The following API5 variants were observed in gnomAD, a reference collection of about 807,000 sequenced individuals.
The protein encoded by API5 is FIF.
Under a neutral mutation model 71.9 loss-of-function variants are expected in API5, and 6 were observed. That is an observed-to-expected ratio of 0.08 (90% CI 0.05 to 0.16). The LOEUF is 0.16. Ranked by LOEUF, API5 falls within the 10% of genes least tolerant of loss-of-function variation. The pLI is 1.00. For missense variants in API5, 332 were observed against 612.8 expected (o/e 0.54, Z 4.84); for synonymous variants, 189 against 221.3 (o/e 0.85, Z 1.30).
intron 13 of API5, among the ~76,000 whole-genome samples, chr11:43,339,056 T>A (rs1855528442): frequency 1.3e-5 from 2 of 152,184 alleles, no homozygotes; most frequent in African/African-American, 4.8e-5. Context: ...TTCACTAGGA[T>A]AATAAACACA....
chr11:43,321,508 G>C, intron 4 of API5, 32 bp downstream of exon 4: 1 of 1,523,016 alleles, frequency 6.6e-7, no homozygotes, highest in Non-Finnish European at 9.1e-7. Flanking sequence ...AATTGTGTTT[G>C]ATGTCTTACA....
chr11:43,322,700 T>G (rs533872024), intron 5 of API5, among the ~76,000 whole-genome samples: 3 of 152,188 alleles, frequency 2.0e-5, no homozygotes, highest in African/African-American at 7.2e-5. Flanking sequence ...TTACAGAAGA[T>G]TCAGCATTTT....
rs1855080112 is a variant in API5 at position 43,326,509 on chromosome 11, A to G, written c.753A>G (p.Lys251=). Residue 251 remains lysine, a splice_region_variant and synonymous_variant, in exon 7 of 14, where the codon AAA becomes AAG. Transcript: ENST00000531273. ...CATTTTCTTTGGATTTCTTACAGAA[A>G]AATGTCCATTCCACAAGGTTTGTGA... The part of the protein sequence containing the change: ...CTRQAVPLFS[K]NVHSTRFVTY... 6.3e-7 allele frequency: 1 copy of G among 1,596,134 alleles called. No homozygotes were observed. Among genetic ancestry groups the G allele is most frequent in the Non-Finnish European group, 8.6e-7 (1 of 1,169,012 alleles).
In API5 at chr11:43,323,648, A is replaced by G. The variant is rs183867817; in HGVS notation, c.750+12A>G. On this transcript the variant is annotated intron_variant, in intron 6 of 13. Transcript: ENST00000531273. ...TACCCCTCTTCTCTGTGAGCTCTTT[A>G]TTTTTACACACCCGGTATTAGCTAT... 1.3e-4 allele frequency: 202 copies of G among 1,609,298 alleles called. No individual in the cohort carries two copies. The highest frequency in any genetic ancestry group is 2.2e-4 in the Admixed American group (13 of 59,950).
intron 7 of API5, among the ~76,000 whole-genome samples, chr11:43,327,379 T>G (rs2134362184): frequency 6.6e-6 from 1 of 152,366 alleles, no homozygotes; most frequent in South Asian, 2.1e-4. Flanking sequence ...CCATGAGTAA[T>G]TAGTTCTTAG....
chr11:43,342,025 GC>G (rs1347492649), intron 13 of API5, among the ~76,000 whole-genome samples: 1 of 151,870 alleles, frequency 6.6e-6, no homozygotes, highest in Non-Finnish European at 1.5e-5. Flanking sequence ...TGCATCTGTA[GC>G]CCTAGCTACT....
Position 43,326,567 on chromosome 11 carries a change from G to C in API5, c.811G>C (p.Gly271Arg), listed in dbSNP as rs778230801. Residue 271 changes from glycine to arginine, a missense_variant, in exon 7 of 14, where the codon GGT becomes CGT. Coordinates refer to ENST00000531273, the MANE Select transcript of API5 (RefSeq NM_001142930.2). ...CTGTGAGCAGGTTCTCCCTAACCTC[G>C]GTACCTTGACTACCCCAGTGGAAGG... is the stretch of plus-strand genomic sequence containing the variant. The part of the protein sequence containing the change: ...YFCEQVLPNL[G>R]TLTTPVEGLD... 1 of 1,610,144 alleles carries C rather than the reference G, an allele frequency of 6.2e-7. No homozygotes were observed. Among genetic ancestry groups the C allele is most frequent in the East Asian group, 2.2e-5 (1 of 44,718 alleles).
chr11:43,317,054 A>G (rs902357449), intron 1 of API5, among the ~76,000 whole-genome samples: 3 of 152,210 alleles, frequency 2.0e-5, no homozygotes, highest in Non-Finnish European at 4.4e-5. Context: ...TCTGTAGTTC[A>G]TTGGATATTT....
chr11:43,332,903 T>C (rs994788464), intron 11 of API5, among the ~76,000 whole-genome samples: 1 of 152,196 alleles, frequency 6.6e-6, no homozygotes, highest in African/African-American at 2.4e-5. Context: ...CCTGTGGTTA[T>C]CTAGAGACTT....
rs1218504529 is a variant in API5, at chr11:43,327,752, A to G, written c.856-37A>G. On this transcript the variant is annotated intron_variant, in intron 7 of 13. Transcript: ENST00000531273. Reference sequence around the variant, plus strand: ...TACTCTCATTTCATAACCCTTGCTTATTCAAAAAAACAGTAATAGTGAATT... The same window carrying G: ...TACTCTCATTTCATAACCCTTGCTTGTTCAAAAAAACAGTAATAGTGAATT... The G allele has an allele frequency of 2.7e-6, 4 of 1,466,200 alleles. No individual in the cohort carries two copies. The African/African-American group carries it at 5.6e-5, about 21-fold the overall frequency. 90.8% of individuals were successfully genotyped at this position (1,466,200 alleles called of 1,614,324 possible).
chr11:43,319,226 T>C (rs1441179028), intron 2 of API5, among the ~76,000 whole-genome samples: 1 of 152,218 alleles, frequency 6.6e-6, no homozygotes, highest in Non-Finnish European at 1.5e-5. Flanking sequence ...GTATGTGTAA[T>C]AAGTGAATAG....
intron 6 of API5, among the ~76,000 whole-genome samples, chr11:43,324,020 AT>A (rs202048756): frequency 5.3e-4 from 80 of 150,650 alleles, no homozygotes; most frequent in Non-Finnish European, 5.9e-4. Context: ...GAAAGAAAGA[AT>A]TTTTTTTTTC....
Position 43,335,782 on chromosome 11 carries a change from T to C in API5, c.1356-76T>C, listed in dbSNP as rs931080464. 38 of 1,457,680 alleles carry C rather than the reference T, an allele frequency of 2.6e-5. No individual in the cohort carries two copies. The African/African-American group carries it at 3.6e-4, about 14-fold the overall frequency. 90.3% of individuals were successfully genotyped at this position (1,457,680 alleles called of 1,614,324 possible). On this transcript the variant is annotated intron_variant, in intron 12 of 13. Transcript: ENST00000531273. Reference sequence around the variant, plus strand: ...TTTAGGATGTCTTTCCTAACTGATATGCTAAATTATAAATGTATTGATAGC... The same window carrying C: ...TTTAGGATGTCTTTCCTAACTGATACGCTAAATTATAAATGTATTGATAGC...
At chr11:43,330,366 C>G in intron 10 of API5, 142 bp from the exon 11 acceptor site, 8 of 715,984 alleles carry the variant, frequency 1.1e-5, no homozygotes, top group Non-Finnish European at 2.0e-5. Context: ...TACGCATTAT[C>G]TATAGATTTA....
chr11:43,327,955 C>T (rs1855129955), intron 8 of API5, 77 bp downstream of exon 8: 2 of 868,498 alleles, frequency 2.3e-6, no homozygotes, highest in South Asian at 2.5e-5. Flanking sequence ...TTCTAGATTA[C>T]AAGAACCAGT....
intron 5 of API5, among the ~76,000 whole-genome samples, chr11:43,322,735 T>C (rs1018874772): frequency 2.7e-4 from 41 of 152,248 alleles, no homozygotes; most frequent in African/African-American, 8.9e-4. Context: ...ATCACTGTTA[T>C]GGTTCAGGCT....
chr11:43,337,082 C>T (rs1855461065), intron 13 of API5, among the ~76,000 whole-genome samples: 2 of 150,860 alleles, frequency 1.3e-5, no homozygotes, highest in South Asian at 4.2e-4. Context: ...CCAACACTTT[C>T]GGAGGCCGAG....
chr11:43,327,902 T>A, intron 8 of API5, 24 bp downstream of exon 8: 1 of 1,495,566 alleles, frequency 6.7e-7, no homozygotes, highest in East Asian at 2.3e-5. Flanking sequence ...CCTTTCCTTA[T>A]GGGATAGTCA....
intron 13 of API5, chr11:43,340,193 G>A: frequency 2.9e-6 from 1 of 342,788 alleles, no homozygotes; most frequent in South Asian, 2.2e-5. Flanking sequence ...TATAATAGCT[G>A]TGAAAAAAAT....
Sources: allele counts gnomAD v4.1 joint callset (sites outside exome capture counted in the v4.1 genomes callset), GRCh38; gene constraint gnomAD v4.1.1; transcripts MANE v1.5; gene names NCBI Gene and HGNC (gene_info 2026-07-23, HGNC 2026-07-21).